KANK2: variants seen among roughly 807,000 people sequenced by gnomAD.
KANK2 encodes the protein KN motif and ankyrin repeat domain-containing protein 2.
KANK2 carries 41 observed loss-of-function variants against 74.6 expected under a neutral mutation model. That is an observed-to-expected ratio of 0.55 (90% CI 0.43 to 0.71). The LOEUF (loss-of-function observed/expected upper bound fraction) is 0.71. Among genes scored for constraint, KANK2 ranks in the 30% least tolerant of loss-of-function variants. The pLI, the probability that KANK2 is intolerant of heterozygous loss-of-function variation, is 0.00. For missense variants in KANK2, 1,148 were observed against 1,196.4 expected (o/e 0.96, Z 0.60); for synonymous variants, 537 against 519.0 (o/e 1.03, Z -0.47).
rs990483783 is a variant in KANK2, at chr19:11,164,757, T to TCCAC, written c.*1800_*1801insGTGG. 4 of 127,022 alleles carry TCCAC rather than the reference T, an allele frequency of 3.1e-5. No homozygotes were observed. Among genetic ancestry groups the TCCAC allele is most frequent in the African/African-American group, 9.0e-5 (3 of 33,256 alleles). 7.9% of individuals were successfully genotyped at this position (127,022 alleles called of 1,614,324 possible). The stretch of plus-strand genomic sequence containing the variant: ...ATCCATCCATCCATCCATCCATCCA[T>TCCAC]CCTGCTTGTCTCCTTTGACCAGCCA... On this transcript the variant is annotated 3_prime_UTR_variant, in exon 13 of 13. Transcript: ENST00000586659.
At chr19:11,171,288 TA>T (rs1052704887) in intron 10 of KANK2, among the ~76,000 whole-genome samples, 5 of 150,302 alleles carry the variant, frequency 3.3e-5, no homozygotes, top group African/African-American at 1.2e-4. Context: ...ACCCCAACTC[TA>T]AAAAAAAATT....
Position 11,168,496 on chromosome 19 carries a change from C to T in KANK2, c.2502+1381G>A, listed in dbSNP as rs546231664. On this transcript the variant is annotated intron_variant, in intron 12 of 12. Transcript: ENST00000586659. The stretch of plus-strand genomic sequence containing the variant: ...CTCCCTATGTTGCCCAGGCTGGTCT[C>T]GAACTCTTGGGTTCAAGCAATCCTT... Among the ~76,000 whole-genome samples, 6 of 151,914 alleles carry T rather than the reference C, an allele frequency of 3.9e-5. 1 individual carries two copies. Among genetic ancestry groups the T allele is most frequent in the East Asian group, 1.9e-4 (1 of 5,144 alleles).
chr19:11,192,988 C>T lies in KANK2; in HGVS notation c.1092G>A (p.Leu364=). The T allele has an allele frequency of 6.2e-7, 1 of 1,614,042 alleles. No individual in the cohort carries two copies. The highest frequency in any genetic ancestry group is 8.5e-7 in the Non-Finnish European group (1 of 1,179,984). Residue 364 remains leucine, a synonymous_variant, in exon 4 of 13, where the codon CTG becomes CTA. Coordinates refer to ENST00000586659, the MANE Select transcript of KANK2 (RefSeq NM_001136191.3). Reference sequence around the variant, plus strand: ...GCCTACCAGGCATTGCCAGGGCCCTCAGCCCTGTGCCGTAAGGCTCCAGGC... The same window carrying T: ...GCCTACCAGGCATTGCCAGGGCCCTTAGCCCTGTGCCGTAAGGCTCCAGGC... The part of the protein sequence containing the change: ...AQSLEPYGTG[L]RALAMPGRPE...
chr19:11,174,434 G>C, intron 9 of KANK2, 39 bp downstream of exon 9: 1 of 1,510,920 alleles, frequency 6.6e-7, no homozygotes, highest in South Asian at 1.2e-5. Flanking sequence ...CGGACAGCTG[G>C]CTGGTTTAGA....
chr19:11,174,658 A>C lies in KANK2; in HGVS notation c.1883T>G (p.Leu628Arg). The C allele has an allele frequency of 6.2e-7, 1 of 1,609,426 alleles. No homozygotes were observed. Among genetic ancestry groups the C allele is most frequent in the Non-Finnish European group, 8.5e-7 (1 of 1,178,616 alleles). The change falls in exon 9 of 13, where the codon CTG becomes CGG. Residue 628 changes from leucine (L) to arginine (R), a missense_variant. Coordinates refer to ENST00000586659, the MANE Select transcript of KANK2 (RefSeq NM_001136191.3). ...VAYTTVLQEW[L>R]RLACRSDAHP... ...TGCGTCGCTGCGGCAGGCCAGGCGC[A>C]GCCACTCCTGCAGCACTGTGGTGTA...
rs568007753 is a variant in KANK2, at chr19:11,169,744, T to C, written c.2502+133A>G. 1.4e-4 allele frequency: 98 copies of C among 708,240 alleles called. 2 individuals are homozygous for C. In the Middle Eastern group the frequency reaches 2.0e-3, roughly 14 times the overall value. 43.9% of individuals were successfully genotyped at this position (708,240 alleles called of 1,614,324 possible). ...TGAAGCCGGGAGGCGGAGGTTGCAA[T>C]GAGCCCAGATCGTGCCACCGCACTC... is the stretch of plus-strand genomic sequence containing the variant. On this transcript the variant is annotated intron_variant, in intron 12 of 12. Coordinates refer to ENST00000586659, the MANE Select transcript of KANK2 (RefSeq NM_001136191.3).
intron 4 of KANK2, among the ~76,000 whole-genome samples, chr19:11,189,103 C>CG (rs1382499370): frequency 2.2e-5 from 3 of 134,238 alleles, no homozygotes; most frequent in Admixed American, 1.5e-4. Flanking sequence ...TTCTCTCCCC[C>CG]CCCACCCCCG....
chr19:11,168,114 C>T (rs1388998162), intron 12 of KANK2, among the ~76,000 whole-genome samples: 8 of 151,138 alleles, frequency 5.3e-5, no homozygotes, highest in Non-Finnish European at 7.4e-5. Flanking sequence ...GTGATTCTCC[C>T]GCCTAAGCCT....
At chr19:11,185,273 T>C (rs938995605) in intron 4 of KANK2, among the ~76,000 whole-genome samples, 1 of 136,672 alleles carries the variant, frequency 7.3e-6, no homozygotes, top group African/African-American at 2.7e-5. Context: ...AACAACAAAA[T>C]TCCTGGGCTC....
At chr19:11,173,739 A>T (rs2078245912) in intron 9 of KANK2, among the ~76,000 whole-genome samples, 1 of 151,908 alleles carries the variant, frequency 6.6e-6, no homozygotes, top group African/African-American at 2.4e-5. Context: ...GGAGGACAGC[A>T]TCTCCCCCAT....
intron 4 of KANK2, among the ~76,000 whole-genome samples, chr19:11,191,418 C>T (rs1366444595): frequency 6.6e-6 from 1 of 152,364 alleles, no homozygotes; most frequent in Non-Finnish European, 1.5e-5. Flanking sequence ...TTCTGCACAG[C>T]CGGCATCCCC....
Position 11,176,759 on chromosome 19 carries a change from T to C in KANK2, c.1579A>G (p.Thr527Ala). 1.2e-6 allele frequency: 2 copies of C among 1,602,394 alleles called. No individual in the cohort carries two copies. The highest frequency in any genetic ancestry group is 1.1e-5 in the South Asian group (1 of 89,658). Residue 527 changes from threonine to alanine, a missense_variant, in exon 7 of 13, where the codon ACA (threonine) becomes GCA (alanine). Physicochemically the swap from Thr to Ala is moderately conservative, Grantham distance 58. Transcript: ENST00000586659. ...TAENISDNDS[T>A]ENEAPEPRER... ...CTCGGCTCTGGGGCCTCGTTCTCTG[T>C]GCTGTCGTTGTCTGAGATGTTCTCT...
chr19:11,174,760 G>A (rs1568644130), intron 8 of KANK2, 68 bp from the exon 9 acceptor site: 1 of 1,289,982 alleles, frequency 7.8e-7, no homozygotes, highest in South Asian at 1.3e-5. Context: ...CCCCACCCCA[G>A]ATGCGCCCCC....
At chr19:11,174,754 ACCCCAGATGCGC>A in intron 8 of KANK2, 62 bp from the exon 9 acceptor site, 1 of 1,336,662 alleles carries the variant, frequency 7.5e-7, no homozygotes, top group South Asian at 1.3e-5. Flanking sequence ...GACACCCCCC[ACCCCAGATGCGC>A]CCCCGGAGCA....
intron 12 of KANK2, among the ~76,000 whole-genome samples, chr19:11,168,006 T>G (rs1325223277): frequency 1.8e-5 from 1 of 54,178 alleles, no homozygotes; most frequent in Non-Finnish European, 3.5e-5. Flanking sequence ...CACGTCCTTG[T>G]TTTTTTTTTT....
chr19:11,170,155 C>T lies in KANK2; in HGVS notation c.2305G>A (p.Asp769Asn), dbSNP rs749907416. ...LACEADVNVQ[D>N]DDGSTALMCA... The stretch of plus-strand genomic sequence containing the variant: ...ATGAGGGCCGTGGAGCCGTCATCAT[C>T]TTGCACGTTGACATCTGCCTCACAG... Residue 769 changes from aspartate (D) to asparagine (N), a missense_variant, in exon 11 of 13, where the codon GAT becomes AAT. Asp to Asn is a conservative substitution (Grantham distance 23, BLOSUM62 1). Coordinates refer to ENST00000586659, the MANE Select transcript of KANK2 (RefSeq NM_001136191.3). The surrounding 1 kb of genome is among the most constrained non-coding windows in gnomAD (Gnocchi z 5.2). 2.5e-6 allele frequency: 4 copies of T among 1,612,326 alleles called. No individual in the cohort carries two copies. The South Asian group carries it at 4.4e-5, about 18-fold the overall frequency.
intron 12 of KANK2, among the ~76,000 whole-genome samples, chr19:11,169,153 C>CA (rs1600804649): frequency 2.6e-5 from 4 of 152,194 alleles, no homozygotes; most frequent in African/African-American, 9.6e-5. Context: ...GCCTGGCCAA[C>CA]ACAGTGAAAT....
intron 4 of KANK2, chr19:11,192,436 T>TC (rs972364483): frequency 1.1e-5 from 2 of 182,560 alleles, no homozygotes; most frequent in Non-Finnish European, 2.3e-5. Flanking sequence ...GCATTCTTTT[T>TC]TTTTTTTTTT....
chr19:11,194,512 C>T lies in KANK2; in HGVS notation c.-1G>A. 1.2e-6 allele frequency: 2 copies of T among 1,611,980 alleles called. No individual in the cohort carries two copies. The highest frequency in any genetic ancestry group is 1.7e-6 in the Non-Finnish European group (2 of 1,178,616). ...CAGGCACGTGCAGGACCTGGGCCAT[C>T]TTCTTTTCTACAGATGCTCCTTGGA... On this transcript the variant is annotated 5_prime_UTR_variant, in exon 3 of 13. Transcript: ENST00000586659.
Sources: allele counts gnomAD v4.1 joint callset (sites outside exome capture counted in the v4.1 genomes callset), GRCh38; gene constraint gnomAD v4.1.1; non-coding constraint Gnocchi (gnomAD v3.1); transcripts MANE v1.5; gene names NCBI Gene and HGNC (gene_info 2026-07-23, HGNC 2026-07-21).